Variants in UIMC1 observed in about 807,000 individuals in gnomAD.
UIMC1 encodes the protein BRCA1-A complex subunit RAP80.
Under a neutral mutation model 84.9 loss-of-function variants are expected in UIMC1, and 42 were observed. That is an observed-to-expected ratio of 0.49 (90% CI 0.39 to 0.64). The LOEUF (loss-of-function observed/expected upper bound fraction) is 0.64, where lower values mean the gene tolerates loss of function less well. UIMC1 is among the 30% of genes least tolerant of loss of function. The pLI, the probability that UIMC1 is intolerant of heterozygous loss-of-function variation, is 0.00. For synonymous variants in UIMC1, 281 were observed against 293.0 expected, an observed-to-expected ratio of 0.96 and a Z score of 0.42; for missense variants, 825 against 847.6, an observed-to-expected ratio of 0.97 and a Z score of 0.33.
intron 10 of UIMC1, among the ~76,000 whole-genome samples, chr5:176,933,848 C>T (rs1763408631): frequency 6.6e-6 from 1 of 151,932 alleles, no homozygotes. Flanking sequence ...AGATGTTTAT[C>T]TTTAATAGAA....
intron 10 of UIMC1, among the ~76,000 whole-genome samples, chr5:176,918,694 T>C (rs1032112183): frequency 6.6e-6 from 1 of 152,218 alleles, no homozygotes; most frequent in Admixed American, 6.5e-5. Flanking sequence ...TCTAATCCTA[T>C]ACTATCATCT....
chr5:176,945,142 C>T (rs912239617), intron 9 of UIMC1, among the ~76,000 whole-genome samples: 3 of 152,176 alleles, frequency 2.0e-5, no homozygotes, highest in Non-Finnish European at 4.4e-5. Context: ...GCGGATCCTG[C>T]AAGGAATTAA....
At position 177,006,728 on chromosome 5, in the gene UIMC1, G is replaced by A. The variant is rs1449990170; in HGVS notation, c.-87C>T. 6.6e-6 allele frequency: 1 copy of A among 152,218 alleles called. No individual in the cohort carries two copies. 9.4% of individuals were successfully genotyped at this position (152,218 alleles called of 1,614,324 possible). The stretch of plus-strand genomic sequence containing the variant: ...CCGCCACACGTTGGGAGCGCGGGGG[G>A]AGGGGGAGGGGCGCGCGCGTCCGAT... On this transcript the variant is annotated 5_prime_UTR_variant, in exon 1 of 15. Transcript: ENST00000511320.
At chr5:176,958,839 G>T (rs893876623) in intron 6 of UIMC1, among the ~76,000 whole-genome samples, 2 of 152,196 alleles carry the variant, frequency 1.3e-5, no homozygotes, top group African/African-American at 4.8e-5. Flanking sequence ...TAGAGTTGAC[G>T]CAAATACCAA....
intron 9 of UIMC1, among the ~76,000 whole-genome samples, chr5:176,949,721 C>T (rs373037828): frequency 7.2e-5 from 11 of 152,282 alleles, no homozygotes; most frequent in African/African-American, 1.9e-4. Context: ...TTACCTGCAG[C>T]GCAGAGACCA....
intron 8 of UIMC1, among the ~76,000 whole-genome samples, chr5:176,955,371 A>G (rs150583640): frequency 6.6e-6 from 1 of 152,198 alleles, no homozygotes; most frequent in African/African-American, 2.4e-5. Context: ...AACATGCACA[A>G]AACTCAATTT....
chr5:176,908,481 C>A, intron 12 of UIMC1, 42 bp downstream of exon 12: 1 of 1,577,084 alleles, frequency 6.3e-7, no homozygotes. Context: ...AACTGACAAC[C>A]AGGAGGGTTA....
intron 1 of UIMC1, chr5:177,001,909 C>T (rs1293523749): frequency 6.8e-6 from 1 of 146,244 alleles, no homozygotes; most frequent in African/African-American, 2.6e-5. Flanking sequence ...GAGATCACAC[C>T]ACTGCACTCC....
chr5:176,909,631 G>T (rs758003288), intron 11 of UIMC1, among the ~76,000 whole-genome samples: 3 of 152,154 alleles, frequency 2.0e-5, no homozygotes, highest in Non-Finnish European at 4.4e-5. Flanking sequence ...GGGAGACTTG[G>T]ATTAGCTATA....
At chr5:176,922,814 A>G (rs1389633597) in intron 10 of UIMC1, among the ~76,000 whole-genome samples, 1 of 152,270 alleles carries the variant, frequency 6.6e-6, no homozygotes, top group East Asian at 1.9e-4. Context: ...GTTAAAGATT[A>G]AGCTATAAAT....
chr5:177,012,811 G>A (rs534138919), intron 1 of UIMC1, among the ~76,000 whole-genome samples: 2 of 152,202 alleles, frequency 1.3e-5, no homozygotes, highest in Non-Finnish European at 1.5e-5. Flanking sequence ...CAAAGTAGAT[G>A]TTTAAACAAG....
In UIMC1 at chr5:176,969,043, C is replaced by T. The variant is rs1426982261; in HGVS notation, c.712G>A (p.Gly238Arg). The stretch of plus-strand genomic sequence containing the variant: ...GCTTTGAGAAAAGCAGAACCCCTCC[C>T]AGTACTTTCCTGTGGCTTCCCACAC... ...TQCGKPQEST[G>R]RGSAFLKAVQ... The change falls in exon 6 of 15, where the codon GGG (glycine) becomes AGG (arginine). Residue 238 changes from glycine to arginine, a missense_variant. By Grantham distance (125) the Gly-to-Arg change is moderately radical. Coordinates refer to ENST00000511320, the MANE Select transcript of UIMC1 (RefSeq NM_001199298.2). 1.2e-6 allele frequency: 2 copies of T among 1,614,218 alleles called. No homozygotes were observed. Among genetic ancestry groups the T allele is most frequent in the Non-Finnish European group, 1.7e-6 (2 of 1,180,014 alleles).
intron 6 of UIMC1, among the ~76,000 whole-genome samples, chr5:176,958,397 C>T (rs1304984123): frequency 1.3e-5 from 2 of 152,244 alleles, no homozygotes; most frequent in Non-Finnish European, 2.9e-5. Flanking sequence ...ATCTGAATCT[C>T]TTTCCTCATC....
At chr5:176,949,322 T>C (rs1765546212) in intron 9 of UIMC1, among the ~76,000 whole-genome samples, 1 of 152,156 alleles carries the variant, frequency 6.6e-6, no homozygotes, top group Admixed American at 6.5e-5. Flanking sequence ...TATGATTCCA[T>C]CTATTTGATA....
intron 1 of UIMC1, among the ~76,000 whole-genome samples, chr5:177,018,081 T>A (rs1297534406): frequency 6.6e-6 from 1 of 152,082 alleles, no homozygotes. Context: ...CTGGGCGTGG[T>A]GGCTCACACT....
Position 176,969,713 on chromosome 5 carries a change from C to T in UIMC1, c.358-7G>A, listed in dbSNP as rs768270439. 1 of 1,613,212 alleles carries T rather than the reference C, an allele frequency of 6.2e-7. No homozygotes were observed. The highest frequency in any genetic ancestry group is 8.5e-7 in the Non-Finnish European group (1 of 1,179,376). The stretch of plus-strand genomic sequence containing the variant: ...CATCAGAAGGCCGGCAACTCTGAAA[C>T]AAGTGATCCCATACCAGACCAGGTT... On this transcript the variant is annotated splice_polypyrimidine_tract_variant and splice_region_variant and intron_variant, in intron 4 of 14. Coordinates refer to ENST00000511320, the MANE Select transcript of UIMC1 (RefSeq NM_001199298.2).
At chr5:177,007,842 C>T (rs138221708), upstream of UIMC1, among the ~76,000 whole-genome samples, 46 of 152,198 alleles carry the variant, frequency 3.0e-4, no homozygotes, top group African/African-American at 6.7e-4. Flanking sequence ...TGGTGGATCA[C>T]GCCTGTAATC....
chr5:176,985,020 C>T (rs184108081), intron 1 of UIMC1, among the ~76,000 whole-genome samples: 1 of 152,102 alleles, frequency 6.6e-6, no homozygotes, highest in Non-Finnish European at 1.5e-5. Flanking sequence ...ATCTGCTGAC[C>T]TTCTCTCCAC....
intron 6 of UIMC1, among the ~76,000 whole-genome samples, chr5:176,959,788 T>C (rs1349299294): frequency 6.6e-6 from 1 of 151,994 alleles, no homozygotes. Context: ...TCCCAGCACT[T>C]TGGGAGGCCA....
Sources: allele counts gnomAD v4.1 joint callset (sites outside exome capture counted in the v4.1 genomes callset), GRCh38; gene constraint gnomAD v4.1.1; transcripts MANE v1.5; gene names NCBI Gene and HGNC (gene_info 2026-07-23, HGNC 2026-07-21).